SETBP1: variants seen among roughly 807,000 people sequenced by gnomAD.
SETBP1 encodes SET binding protein 1, also known as SET-binding protein.
In SETBP1, 9 loss-of-function variants were observed where a neutral mutation model predicts 101.0. That is an observed-to-expected ratio of 0.09 (90% CI 0.05 to 0.16). The LOEUF (loss-of-function observed/expected upper bound fraction) is 0.16. Among genes scored for constraint, SETBP1 ranks in the 10% least tolerant of loss-of-function variants. The pLI is 1.00. For synonymous variants in SETBP1, 818 were observed against 788.5 expected, an observed-to-expected ratio of 1.04 and a Z score of -0.63; for missense variants, 1,858 against 2,033.8, an observed-to-expected ratio of 0.91 and a Z score of 1.66.
intron 4 of SETBP1, among the ~76,000 whole-genome samples, chr18:44,985,712 G>A (rs146619884): frequency 6.6e-6 from 1 of 152,226 alleles, no homozygotes; most frequent in African/African-American, 2.4e-5. Context: ...TTTAGTATCT[G>A]CAGGATTACT....
At chr18:44,738,904 T>C (rs1335154339) in intron 2 of SETBP1, among the ~76,000 whole-genome samples, 1 of 152,132 alleles carries the variant, frequency 6.6e-6, no homozygotes, top group Non-Finnish European at 1.5e-5. Flanking sequence ...AATTTTATTA[T>C]TTTATATTTC....
intron 2 of SETBP1, among the ~76,000 whole-genome samples, chr18:44,735,853 T>C (rs1291311467): frequency 3.3e-5 from 5 of 152,206 alleles, no homozygotes; most frequent in Non-Finnish European, 7.3e-5. Flanking sequence ...ATCAGAAAGA[T>C]GCTCCAGGTT....
chr18:45,058,948 G>T (rs1001552854), intron 5 of SETBP1, among the ~76,000 whole-genome samples: 39 of 152,164 alleles, frequency 2.6e-4, no homozygotes, highest in African/African-American at 9.2e-4. Flanking sequence ...CCTTCACGGG[G>T]AACATCTCCT....
In SETBP1 at chr18:44,877,388, A is replaced by T. The variant is rs12607977; in HGVS notation, c.540+8105A>T. The T allele has an allele frequency of 0.11, 108,819 of 977,496 alleles. 6,374 individuals carry two copies. Among genetic ancestry groups the T allele is most frequent in the South Asian group, 0.15 (3,110 of 21,108 alleles). The allele number at this position is 977,496 out of a possible 1,614,324, so 60.6% of individuals were successfully genotyped here. ...TAGTTAACCAACACTGAGCTTTCCTAGTTTTAATAAAAGAGTAGGATTTGG... is the reference window on the plus strand; with the variant it reads ...TAGTTAACCAACACTGAGCTTTCCTTGTTTTAATAAAAGAGTAGGATTTGG... On this transcript the variant is annotated intron_variant, in intron 3 of 5. Transcript: ENST00000649279.
Position 45,067,558 on chromosome 18 carries a change from G to A in SETBP1, c.*3860G>A, listed in dbSNP as rs2073985017. The A allele has an allele frequency of 6.6e-6, 1 of 152,162 alleles. No homozygotes were observed. 9.4% of individuals were successfully genotyped at this position (152,162 alleles called of 1,614,324 possible). A position where few individuals can be genotyped will look rare whatever the true frequency, so the allele number is the denominator to read the frequency against. ...CGTTATGTAAAAGTAGATAAATATA[G>A]ACGTTATTCTCAACACTACCCTATA... is the stretch of plus-strand genomic sequence containing the variant. On this transcript the variant is annotated 3_prime_UTR_variant, in exon 6 of 6. Coordinates refer to ENST00000649279, the MANE Select transcript of SETBP1 (RefSeq NM_015559.3).
At chr18:44,763,331 G>A (rs1051418288) in intron 2 of SETBP1, among the ~76,000 whole-genome samples, 1 of 152,238 alleles carries the variant, frequency 6.6e-6, no homozygotes, top group Non-Finnish European at 1.5e-5. Flanking sequence ...ACAAACCAAT[G>A]TGGCATAGAA....
chr18:44,961,133 G>A (rs2071601979), intron 4 of SETBP1, among the ~76,000 whole-genome samples: 1 of 152,200 alleles, frequency 6.6e-6, no homozygotes, highest in African/African-American at 2.4e-5. Flanking sequence ...GGGAATGAAG[G>A]AAGGAGGGTG....
At chr18:44,741,436 C>G (rs1370936603) in intron 2 of SETBP1, among the ~76,000 whole-genome samples, 2 of 152,196 alleles carry the variant, frequency 1.3e-5, no homozygotes, top group Non-Finnish European at 2.9e-5. Context: ...TAAGAGATCA[C>G]CTTTCATTGC....
intron 2 of SETBP1, among the ~76,000 whole-genome samples, chr18:44,800,729 A>G (rs1443722202): frequency 6.6e-6 from 1 of 152,178 alleles, no homozygotes; most frequent in African/African-American, 2.4e-5. Context: ...ACAGTGGGAA[A>G]TGAGACTGGA....
chr18:44,966,982 C>T (rs1286198065), intron 4 of SETBP1, among the ~76,000 whole-genome samples: 1 of 152,178 alleles, frequency 6.6e-6, no homozygotes, highest in East Asian at 1.9e-4. Context: ...ATGTTCATTT[C>T]CTTTCACTTC....
At chr18:44,913,518 A>G (rs2070360549) in intron 3 of SETBP1, among the ~76,000 whole-genome samples, 1 of 152,234 alleles carries the variant, frequency 6.6e-6, no homozygotes, top group Non-Finnish European at 1.5e-5. Context: ...ACTAGAGGTG[A>G]GTCAGGACTT....
At position 44,843,060 on chromosome 18, in the gene SETBP1, A is replaced by G. The variant is rs144880427; in HGVS notation, c.487-26170A>G. Among the ~76,000 whole-genome samples, 132 of 152,362 alleles carry G rather than the reference A, an allele frequency of 8.7e-4. 2 individuals carry two copies. The East Asian group carries it at 0.021, about 24-fold the overall frequency. ...GGCCGCTCAGCCCAGAGCTGCTCTT[A>G]TGCCATGCAGGCCCTAGTAAGCCAG... On this transcript the variant is annotated intron_variant, in intron 2 of 5. Coordinates refer to ENST00000649279, the MANE Select transcript of SETBP1 (RefSeq NM_015559.3).
intron 5 of SETBP1, among the ~76,000 whole-genome samples, chr18:45,039,669 C>A (rs554089256): frequency 2.0e-5 from 3 of 152,188 alleles, no homozygotes. Context: ...GTAAATGTGG[C>A]AAGCACATTG....
rs982808901 is a variant in SETBP1, at chr18:44,953,346, G to A, written c.4000+6G>A. The A allele has an allele frequency of 1.1e-5, 17 of 1,612,028 alleles. No individual in the cohort carries two copies. Among genetic ancestry groups the A allele is most frequent in the Middle Eastern group, 3.3e-4 (2 of 6,058 alleles). On this transcript the variant is annotated splice_donor_region_variant and intron_variant, in intron 4 of 5. Coordinates refer to ENST00000649279, the MANE Select transcript of SETBP1 (RefSeq NM_015559.3). Reference sequence around the variant, plus strand: ...TGACTCCTCCATGTCTCCAGGTAAGGCTGTTTTTCTTCAGAAATGGATTAT... The same window carrying A: ...TGACTCCTCCATGTCTCCAGGTAAGACTGTTTTTCTTCAGAAATGGATTAT...
intron 2 of SETBP1, among the ~76,000 whole-genome samples, chr18:44,739,639 G>T (rs2144459605): frequency 6.6e-6 from 1 of 152,232 alleles, no homozygotes; most frequent in South Asian, 2.1e-4. Context: ...TTGGATTCAG[G>T]TCTTTCACAT....
chr18:44,777,943 C>G (rs1022284084), intron 2 of SETBP1, among the ~76,000 whole-genome samples: 5 of 152,170 alleles, frequency 3.3e-5, no homozygotes, highest in African/African-American at 1.2e-4. Context: ...TTTCTGAACC[C>G]GACTGTTCTA....
chr18:44,879,468 A>G, intron 3 of SETBP1, among the ~76,000 whole-genome samples: 1 of 152,218 alleles, frequency 6.6e-6, no homozygotes, highest in East Asian at 1.9e-4. Flanking sequence ...ATAAATGTGC[A>G]CTGTAATTCT....
chr18:44,693,408 G>A (rs2068965936), intron 1 of SETBP1, among the ~76,000 whole-genome samples: 1 of 152,176 alleles, frequency 6.6e-6, no homozygotes, highest in Admixed American at 6.6e-5. Flanking sequence ...TATAATTAAT[G>A]TTAGGAAAGA....
chr18:44,983,854 A>G (rs1211430712), intron 4 of SETBP1, among the ~76,000 whole-genome samples: 2 of 152,142 alleles, frequency 1.3e-5, no homozygotes, highest in African/African-American at 2.4e-5. Context: ...TCAATTTTGC[A>G]TTTGTCAAAA....
Sources: allele counts gnomAD v4.1 joint callset (sites outside exome capture counted in the v4.1 genomes callset), GRCh38; gene constraint gnomAD v4.1.1; transcripts MANE v1.5; gene names NCBI Gene and HGNC (gene_info 2026-07-23, HGNC 2026-07-21).